The following ANXA10 variants were observed in gnomAD, a reference collection of about 807,000 sequenced individuals.
ANXA10 encodes the protein annexin A10, also known as annexin 14.
ANXA10 carries 49 observed loss-of-function variants against 53.5 expected under a neutral mutation model. The ratio of observed to expected loss-of-function variants is 0.92; its 90% CI spans 0.73 to 1.16. The LOEUF is 1.16. Among genes scored for constraint, ANXA10 ranks in the 50% most tolerant of loss-of-function variants. ANXA10 has a pLI of 0.00. For synonymous variants in ANXA10, 131 were observed against 128.9 expected (o/e 1.02, Z -0.11); for missense variants, 393 against 394.4 (o/e 1.00, Z 0.03).
intron 1 of ANXA10, among the ~76,000 whole-genome samples, chr4:168,114,896 TA>T (rs1223406592): frequency 6.6e-6 from 1 of 151,576 alleles, no homozygotes; most frequent in African/African-American, 2.4e-5. Context: ...TATTTTCTTT[TA>T]TTTTTTTTGA....
At chr4:168,119,689 A>T (rs1469259070) in intron 1 of ANXA10, among the ~76,000 whole-genome samples, 3 of 152,248 alleles carry the variant, frequency 2.0e-5, no homozygotes, top group Middle Eastern at 3.4e-3. Flanking sequence ...ATTAGTTACA[A>T]GCCCAGCCAA....
At chr4:168,112,700 T>A (rs564474449) in intron 1 of ANXA10, among the ~76,000 whole-genome samples, 1 of 152,304 alleles carries the variant, frequency 6.6e-6, no homozygotes, top group Admixed American at 6.5e-5. Flanking sequence ...GGCTCCATAC[T>A]TCACTAGCCA....
intron 1 of ANXA10, among the ~76,000 whole-genome samples, chr4:168,100,785 C>G (rs1273635613): frequency 6.6e-6 from 1 of 152,034 alleles, no homozygotes; most frequent in East Asian, 1.9e-4. Flanking sequence ...GTTTTGGGAA[C>G]ATTTCAGATT....
At chr4:168,159,829 G>C (rs1420686279) in intron 3 of ANXA10, among the ~76,000 whole-genome samples, 1 of 152,084 alleles carries the variant, frequency 6.6e-6, no homozygotes, top group African/African-American at 2.4e-5. Context: ...GGTGGTGTTG[G>C]ATTATGCCAA....
intron 1 of ANXA10, among the ~76,000 whole-genome samples, chr4:168,102,549 C>T (rs932446737): frequency 1.3e-5 from 2 of 151,994 alleles, no homozygotes; most frequent in African/African-American, 4.8e-5. Context: ...AACATTTAAC[C>T]CTAATTCATA....
At chr4:168,179,490 T>C (rs771979718) in intron 9 of ANXA10, among the ~76,000 whole-genome samples, 178 bp downstream of exon 9, 9 of 152,168 alleles carry the variant, frequency 5.9e-5, no homozygotes, top group Non-Finnish European at 1.5e-5. Flanking sequence ...ACTGATAAAA[T>C]GCACTAAACT....
At chr4:168,153,459 C>CAAAAAAAAAAACCAAAAAAAAAAA (rs1731539325) in intron 3 of ANXA10, among the ~76,000 whole-genome samples, 1 of 36,808 alleles carries the variant, frequency 2.7e-5, no homozygotes, top group African/African-American at 8.7e-5. Flanking sequence ...AAAAACAAAA[C>CAAAAAAAAAAACCAAAAAAAAAAA]AAAAAAAAAA....
chr4:168,145,590 CACCCT>C (rs1363590756), intron 3 of ANXA10, among the ~76,000 whole-genome samples: 2 of 152,194 alleles, frequency 1.3e-5, no homozygotes, highest in Non-Finnish European at 2.9e-5. Context: ...GTTTTGCTAA[CACCCT>C]ACCCACTAAA....
chr4:168,127,226 C>G (rs1731083651), intron 1 of ANXA10, among the ~76,000 whole-genome samples: 1 of 152,108 alleles, frequency 6.6e-6, no homozygotes, highest in Admixed American at 6.6e-5. Flanking sequence ...ATGTGGATCA[C>G]AAGCCTGCTT....
At chr4:168,182,135 A>G (rs1219211464) in intron 10 of ANXA10, among the ~76,000 whole-genome samples, 1 of 152,164 alleles carries the variant, frequency 6.6e-6, no homozygotes, top group African/African-American at 2.4e-5. Flanking sequence ...AGCAATTGCC[A>G]CGTTCGTGAA....
chr4:168,162,487 T>G, intron 3 of ANXA10, 41 bp from the exon 4 acceptor site: 1 of 1,414,040 alleles, frequency 7.1e-7, no homozygotes, highest in African/African-American at 1.4e-5. Context: ...TCTTGCAAAT[T>G]TGGTAACATA....
At chr4:168,165,599 AATTT>A (rs1370683072) in intron 6 of ANXA10, among the ~76,000 whole-genome samples, 1 of 152,180 alleles carries the variant, frequency 6.6e-6, no homozygotes, top group Non-Finnish European at 1.5e-5. Context: ...ATGTATAATT[AATTT>A]TATATTCTGA....
At chr4:168,158,620 G>C (rs1405777837) in intron 3 of ANXA10, among the ~76,000 whole-genome samples, 1 of 152,034 alleles carries the variant, frequency 6.6e-6, no homozygotes, top group African/African-American at 2.4e-5. Flanking sequence ...AGACATCCTT[G>C]CCTTGTTCTC....
chr4:168,136,919 A>G (rs1578909497), intron 2 of ANXA10, among the ~76,000 whole-genome samples: 2 of 152,180 alleles, frequency 1.3e-5, no homozygotes, highest in South Asian at 4.1e-4. Context: ...TACATCCTTT[A>G]AAATCTAGGC....
At chr4:168,150,908 G>GT (rs2149474156) in intron 3 of ANXA10, among the ~76,000 whole-genome samples, 1 of 152,278 alleles carries the variant, frequency 6.6e-6, no homozygotes, top group African/African-American at 2.4e-5. Context: ...GATATCAGGG[G>GT]TGGAGTAAGT....
chr4:168,163,295 C>A (rs1181543400), intron 4 of ANXA10, among the ~76,000 whole-genome samples: 1 of 152,102 alleles, frequency 6.6e-6, no homozygotes, highest in Admixed American at 6.6e-5. Context: ...TTTCCAAATG[C>A]AGATATTAAA....
intron 3 of ANXA10, among the ~76,000 whole-genome samples, chr4:168,147,926 CA>C (rs1264025508): frequency 6.6e-6 from 1 of 152,212 alleles, no homozygotes; most frequent in Non-Finnish European, 1.5e-5. Flanking sequence ...ATGAGGGAGA[CA>C]GAGGCTCTGC....
At chr4:168,109,409 T>C (rs945228850) in intron 1 of ANXA10, among the ~76,000 whole-genome samples, 1 of 152,230 alleles carries the variant, frequency 6.6e-6, no homozygotes, top group East Asian at 1.9e-4. Context: ...TTTGTAGCTA[T>C]TACATTTTTT....
intron 3 of ANXA10, among the ~76,000 whole-genome samples, chr4:168,140,868 C>T (rs1731314502): frequency 1.3e-5 from 2 of 152,182 alleles, no homozygotes; most frequent in Admixed American, 6.5e-5. Flanking sequence ...GGTCTGCCCA[C>T]CTCGGCCTCC....
Sources: gnomAD v4.1 joint callset for allele counts (sites outside exome capture counted in the v4.1 genomes callset) on GRCh38, gnomAD v4.1.1 for gene constraint, MANE v1.5 for transcripts, NCBI Gene and HGNC (gene_info 2026-07-23, HGNC 2026-07-21) for gene names.